ZNF568: variants seen among roughly 807,000 people sequenced by gnomAD.
The protein encoded by ZNF568 is p53 inhibitor of SCO2 activation.
Under a neutral mutation model 18.1 loss-of-function variants are expected in ZNF568, and 11 were observed. The ratio of observed to expected loss-of-function variants is 0.61; its 90% CI spans 0.38 to 1.00. ZNF568 has a LOEUF of 1.00. Among genes scored for constraint, ZNF568 ranks in the 50% least tolerant of loss-of-function variants. The pLI, the probability that ZNF568 is intolerant of heterozygous loss-of-function variation, is 0.01. For missense variants in ZNF568, 639 were observed against 768.2 expected (o/e 0.83, Z 1.99); for synonymous variants, 213 against 246.6 (o/e 0.86, Z 1.28).
At chr19:36,954,261 G>A (rs1471321852), downstream of ZNF568, among the ~76,000 whole-genome samples, 2 of 152,038 alleles carry the variant, frequency 1.3e-5, no homozygotes, top group African/African-American at 4.8e-5. Flanking sequence ...ATAAAAATAG[G>A]GGGTGTTTGT....
At chr19:36,968,265 CAT>C (rs1011816750) in intron 6 of ZNF568, among the ~76,000 whole-genome samples, 1 of 151,956 alleles carries the variant, frequency 6.6e-6, no homozygotes, top group African/African-American at 2.4e-5. Flanking sequence ...GAAAATGTAA[CAT>C]ATACCTTATA....
exon 3 of ZNF568, chr19:36,991,263 G>C (rs2074421886): frequency 6.5e-7 from 1 of 1,535,624 alleles, no homozygotes. Context: ...GTACCGAGAT[G>C]TAATGTTGGA....
chr19:36,991,079 A>C, intron 2 of ZNF568: 7 of 1,325,412 alleles, frequency 5.3e-6, no homozygotes, highest in Non-Finnish European at 6.1e-6. Flanking sequence ...TTCCTAATGG[A>C]ACTTCCCTAT....
At chr19:36,988,557 C>T (rs2074396445) in intron 2 of ZNF568, among the ~76,000 whole-genome samples, 1 of 152,154 alleles carries the variant, frequency 6.6e-6, no homozygotes, top group East Asian at 1.9e-4. Flanking sequence ...TCAGAACTTA[C>T]TATCATGAGA....
chr19:36,964,813 A>T lies in ZNF568; in HGVS notation c.359-9607A>T, dbSNP rs76731756. On this transcript the variant is annotated intron_variant, in intron 6 of 7. Transcript: ENST00000427117. ...ACAGAATGAGACCTTATCTCTTATA[A>T]ATAAATAAACATAAAATAATGAAGT... Among the ~76,000 whole-genome samples the T allele has an allele frequency of 8.6e-3, 1,307 of 152,236 alleles. 18 individuals are homozygous for T. Among genetic ancestry groups the T allele is most frequent in the African/African-American group, 0.03 (1,235 of 41,530 alleles).
rs956172366 is a variant in ZNF568 at position 36,974,397 on chromosome 19, G to T, written c.359-23G>T. ...GAGGGATTCAGGATGGCTTCTTAAC[G>T]TTTTTCCACATCTTTCTTTAAGAAC... On this transcript the variant is annotated intron_variant, in intron 6 of 7. Transcript: ENST00000427117. 3.6e-5 allele frequency: 56 copies of T among 1,535,680 alleles called. No homozygotes were observed. In the East Asian group the frequency reaches 3.7e-4, roughly 10 times the overall value.
chr19:36,989,484 A>G (rs988554883), intron 2 of ZNF568, among the ~76,000 whole-genome samples: 4 of 152,152 alleles, frequency 2.6e-5, no homozygotes, highest in African/African-American at 7.2e-5. Flanking sequence ...ATGCCTGGCC[A>G]AGGCTGCTGT....
downstream of ZNF568, chr19:36,997,327 C>T (rs186179892): frequency 2.4e-5 from 38 of 1,600,622 alleles, no homozygotes; most frequent in East Asian, 3.6e-4. Context: ...GTCCTTTCGT[C>T]GTGGCTCAGA....
At chr19:36,937,277 C>A (rs2073807182) in intron 6 of ZNF568, 35 bp downstream of exon 6, 1 of 1,567,030 alleles carries the variant, frequency 6.4e-7, no homozygotes. Flanking sequence ...AATGAGAAAG[C>A]CACATGAGAG....
At chr19:36,986,617 T>C (rs2074378443) in intron 2 of ZNF568, among the ~76,000 whole-genome samples, 2 of 152,146 alleles carry the variant, frequency 1.3e-5, no homozygotes, top group African/African-American at 4.8e-5. Context: ...CTATGATTGA[T>C]TTTCTTTTTT....
At position 36,949,559 on chromosome 19, in the gene ZNF568, GT is replaced by G. The variant is rs749512388; in HGVS notation, c.407del (p.Val136GlyfsTer12). 6.2e-6 allele frequency: 10 copies of G among 1,608,486 alleles called. No individual in the cohort carries two copies. The highest frequency in any genetic ancestry group is 8.5e-6 in the Non-Finnish European group (10 of 1,177,814). On this transcript the variant is annotated frameshift_variant, in exon 7 of 7. Transcript: ENST00000333987. LOFTEE classifies it low-confidence loss of function (END_TRUNC). ...EQIKKQQETL[V>X]RKVTSISKKI... Reference sequence around the variant, plus strand: ...GATCAAGAAGCAACAGGAAACACTTGTGAGGAAAGTCACATCCATCTCCAAG... The same window carrying G: ...GATCAAGAAGCAACAGGAAACACTTGGAGGAAAGTCACATCCATCTCCAAG...
chr19:36,934,945 T>G (rs1262586126), intron 4 of ZNF568, among the ~76,000 whole-genome samples: 1 of 152,122 alleles, frequency 6.6e-6, no homozygotes, highest in Non-Finnish European at 1.5e-5. Flanking sequence ...TGAGGCTTTT[T>G]TTTTTTTTAA....
Position 36,992,764 on chromosome 19 carries a change from T to C in ZNF568, c.229+918T>C, listed in dbSNP as rs142928195. On this transcript the variant is annotated intron_variant, in intron 4 of 4. Transcript: ENST00000433993. ...CAACAGTCTAATTGTAGAACATTTG[T>C]ATCACTCAAAATGAAACGCCATACC... is the stretch of plus-strand genomic sequence containing the variant. Among the ~76,000 whole-genome samples the C allele has an allele frequency of 1.8e-4, 28 of 152,318 alleles. No homozygotes were observed. In the East Asian group the frequency reaches 5.4e-3, roughly 29 times the overall value.
At chr19:36,919,173 CAT>C in intron 2 of ZNF568, among the ~76,000 whole-genome samples, 1 of 152,088 alleles carries the variant, frequency 6.6e-6, no homozygotes, top group Middle Eastern at 3.4e-3. Flanking sequence ...CTTTGATTGT[CAT>C]AGTGTTTTCG....
intron 6 of ZNF568, among the ~76,000 whole-genome samples, chr19:36,973,920 ATC>A (rs776974818): frequency 6.6e-6 from 1 of 152,136 alleles, no homozygotes; most frequent in South Asian, 2.1e-4. Flanking sequence ...TAGGTAGTGA[ATC>A]TCTGTGAATG....
intron 6 of ZNF568, among the ~76,000 whole-genome samples, chr19:36,960,847 G>C (rs1265091804): frequency 2.6e-5 from 4 of 151,640 alleles, no homozygotes; most frequent in Non-Finnish European, 5.9e-5. Flanking sequence ...GTTCCTCTTG[G>C]TGTTAATCTC....
chr19:36,936,601 G>T, intron 4 of ZNF568, 145 bp from the exon 5 acceptor site: 1 of 673,922 alleles, frequency 1.5e-6, no homozygotes, highest in South Asian at 3.8e-5. Flanking sequence ...TTATTTCTTT[G>T]AATGTTTTTT....
intron 6 of ZNF568, among the ~76,000 whole-genome samples, chr19:36,938,688 C>G (rs775566545): frequency 1.3e-5 from 2 of 152,154 alleles, no homozygotes; most frequent in Non-Finnish European, 2.9e-5. Context: ...GTTTTACAGA[C>G]AGTTACCTGA....
At chr19:36,991,978 G>T in intron 4 of ZNF568, 1 of 668,874 alleles carries the variant, frequency 1.5e-6, no homozygotes, top group South Asian at 2.3e-5. Flanking sequence ...AAGAAAGTAA[G>T]GATGTTGTAA....
Sources: allele counts gnomAD v4.1 joint callset (sites outside exome capture counted in the v4.1 genomes callset), GRCh38; gene constraint gnomAD v4.1.1; transcripts MANE v1.5; gene names NCBI Gene and HGNC (gene_info 2026-07-23, HGNC 2026-07-21).